The following EYA1 variants were observed in gnomAD, a reference collection of about 807,000 sequenced individuals.
The protein encoded by EYA1 is protein phosphatase EYA1.
In EYA1, 16 loss-of-function variants were observed where a neutral mutation model predicts 82.0. The observed-to-expected ratio is 0.20, with a 90% CI of 0.13 to 0.30. EYA1 has a LOEUF of 0.30. Ranked by LOEUF, EYA1 falls within the 10% of genes least tolerant of loss-of-function variation. The pLI is 1.00. For synonymous variants in EYA1, 261 were observed against 264.4 expected (o/e 0.99, Z 0.12); for missense variants, 633 against 730.7 (o/e 0.87, Z 1.54).
chr8:71,280,514 C>T (rs1478736786), intron 9 of EYA1, among the ~76,000 whole-genome samples: 2 of 152,188 alleles, frequency 1.3e-5, no homozygotes, highest in African/African-American at 4.8e-5. Context: ...GAAGGGCTGG[C>T]CAAGGTTCAA....
chr8:71,210,247 T>C (rs1321622450), intron 17 of EYA1, among the ~76,000 whole-genome samples: 1 of 152,184 alleles, frequency 6.6e-6, no homozygotes, highest in Non-Finnish European at 1.5e-5. Flanking sequence ...TTATAATTGA[T>C]CTCTTAAAAG....
chr8:71,319,732 TG>T (rs920692403), intron 6 of EYA1, among the ~76,000 whole-genome samples: 1 of 152,220 alleles, frequency 6.6e-6, no homozygotes, highest in Non-Finnish European at 1.5e-5. Context: ...GAGAAAGTTT[TG>T]TAAGACCATC....
At chr8:71,202,297 G>A (rs1368214425) in intron 17 of EYA1, among the ~76,000 whole-genome samples, 2 of 152,136 alleles carry the variant, frequency 1.3e-5, no homozygotes, top group East Asian at 1.9e-4. Context: ...TATAAAGTGG[G>A]CATTTAATTT....
chr8:71,510,035 TTATTTATTA>T (rs1396719007), intron 2 of EYA1, among the ~76,000 whole-genome samples: 2 of 150,556 alleles, frequency 1.3e-5, no homozygotes, highest in African/African-American at 4.9e-5. Context: ...ACACTATATA[TTATTTATTA>T]TTTTAATATA....
chr8:71,398,333 G>A (rs983207164), intron 2 of EYA1, among the ~76,000 whole-genome samples: 3 of 152,170 alleles, frequency 2.0e-5, no homozygotes, highest in Non-Finnish European at 4.4e-5. Context: ...TTGTTCCATT[G>A]CTGGCCAGGA....
At chr8:71,458,927 G>A (rs1010658195) in intron 2 of EYA1, among the ~76,000 whole-genome samples, 16 of 152,110 alleles carry the variant, frequency 1.1e-4, no homozygotes, top group Non-Finnish European at 2.4e-4. Flanking sequence ...AAAACACACA[G>A]AAATACATAC....
intron 3 of EYA1, among the ~76,000 whole-genome samples, chr8:71,347,203 A>C (rs1031039054): frequency 2.9e-4 from 44 of 152,352 alleles, no homozygotes; most frequent in African/African-American, 1.0e-3. Flanking sequence ...CTTTGAAATC[A>C]GCCTGAAAGG....
chr8:71,348,827 A>G (rs181045378), intron 3 of EYA1, among the ~76,000 whole-genome samples: 9 of 152,300 alleles, frequency 5.9e-5, no homozygotes, highest in Non-Finnish European at 1.0e-4. Context: ...AGCCCCCAAC[A>G]AATGCCAACA....
At chr8:71,485,012 T>C (rs1291137328) in intron 2 of EYA1, among the ~76,000 whole-genome samples, 1 of 152,202 alleles carries the variant, frequency 6.6e-6, no homozygotes, top group East Asian at 1.9e-4. Context: ...CTAAACAGCC[T>C]CATGGTTATT....
chr8:71,291,125 T>C (rs184479495), intron 9 of EYA1, among the ~76,000 whole-genome samples: 104 of 152,286 alleles, frequency 6.8e-4, no homozygotes, highest in African/African-American at 2.5e-3. Context: ...AACCTCAGGA[T>C]CATTTCCACA....
chr8:71,454,040 G>T (rs1586748228), intron 2 of EYA1, among the ~76,000 whole-genome samples: 1 of 152,018 alleles, frequency 6.6e-6, no homozygotes, highest in Non-Finnish European at 1.5e-5. Flanking sequence ...CACATGCAGA[G>T]ACACACATAG....
At chr8:71,251,851 C>A (rs543706981) in intron 11 of EYA1, among the ~76,000 whole-genome samples, 2 of 151,964 alleles carry the variant, frequency 1.3e-5, no homozygotes, top group Non-Finnish European at 2.9e-5. Context: ...TAATCCTCAT[C>A]ACAGCTATCA....
chr8:71,280,791 T>G (rs1817730042), intron 9 of EYA1, among the ~76,000 whole-genome samples: 1 of 152,198 alleles, frequency 6.6e-6, no homozygotes, highest in African/African-American at 2.4e-5. Context: ...CTCTGTCACC[T>G]AGGCTGCAAT....
rs1808550532 is a variant in EYA1, at chr8:71,463,614, TCTCTCTCTCTCTCTCTCTCC to T, written c.33+72110_33+72129del. ...CTCTCTCTCTCTCTCTCTCTCTCTC[TCTCTCTCTCTCTCTCTCTCC>T]CTCCCTCCCCCCTCCCACACACACA... On this transcript the variant is annotated intron_variant, in intron 2 of 18. Transcript: ENST00000643681. Among the ~76,000 whole-genome samples, 13 of 125,080 alleles carry T rather than the reference TCTCTCTCTCTCTCTCTCTCC, an allele frequency of 1.0e-4. 1 individual carries two copies. Among genetic ancestry groups the T allele is most frequent in the East Asian group, 4.5e-4 (2 of 4,464 alleles). The allele number at this position is 125,080 out of a possible 152,430, so 82.1% of individuals were successfully genotyped here. A position where few individuals can be genotyped will look rare whatever the true frequency, so the allele number is the denominator to read the frequency against.
intron 2 of EYA1, among the ~76,000 whole-genome samples, chr8:71,524,511 T>C (rs1813669134): frequency 6.6e-6 from 1 of 152,218 alleles, no homozygotes; most frequent in South Asian, 2.1e-4. Context: ...TAAAATTTTA[T>C]TCTTGAAAAA....
At chr8:71,542,916 T>C (rs1040702765) in intron 1 of EYA1, among the ~76,000 whole-genome samples, 2 of 152,200 alleles carry the variant, frequency 1.3e-5, no homozygotes, top group African/African-American at 4.8e-5. Context: ...TTTTTTCTTG[T>C]AAATTTGTTT....
rs1021651053 is a variant in EYA1 at position 71,353,158 on chromosome 8, C to G, written c.124+1624G>C. Among the ~76,000 whole-genome samples the G allele has an allele frequency of 2.6e-5, 4 of 152,312 alleles. No homozygotes were observed. In the East Asian group the frequency reaches 7.7e-4, roughly 29 times the overall value. Reference sequence around the variant, plus strand: ...GGAAATGCCTGTTAAAGGTCACCTACGGGCCTTCTGCAGCTCCTGTCAGTG... The same window carrying G: ...GGAAATGCCTGTTAAAGGTCACCTAGGGGCCTTCTGCAGCTCCTGTCAGTG... On this transcript the variant is annotated intron_variant, in intron 3 of 17. Transcript: ENST00000340726.
At chr8:71,375,138 AG>A (rs1163901222) in intron 2 of EYA1, among the ~76,000 whole-genome samples, 2 of 152,168 alleles carry the variant, frequency 1.3e-5, no homozygotes, top group Non-Finnish European at 2.9e-5. Flanking sequence ...AGTACATTTT[AG>A]ATACTCTACT....
chr8:71,545,971 T>C (rs1021403460), intron 1 of EYA1, among the ~76,000 whole-genome samples: 1 of 152,174 alleles, frequency 6.6e-6, no homozygotes, highest in Non-Finnish European at 1.5e-5. Flanking sequence ...GGAACAGGTC[T>C]AATTTAGTTT....
Sources: gnomAD v4.1 joint callset for allele counts (sites outside exome capture counted in the v4.1 genomes callset) on GRCh38, gnomAD v4.1.1 for gene constraint, MANE v1.5 for transcripts, NCBI Gene and HGNC (gene_info 2026-07-23, HGNC 2026-07-21) for gene names.